TUSC3: variants seen among roughly 807,000 people sequenced by gnomAD.
The protein encoded by TUSC3 is dolichyl-diphosphooligosaccharide--protein glycosyltransferase subunit TUSC3.
Under a neutral mutation model 44.8 loss-of-function variants are expected in TUSC3, and 45 were observed. The ratio of observed to expected loss-of-function variants is 1.00; its 90% CI spans 0.79 to 1.29. The LOEUF (loss-of-function observed/expected upper bound fraction) is 1.29, where lower values mean the gene tolerates loss of function less well. Ranked by LOEUF, TUSC3 falls within the 50% of genes most tolerant of loss-of-function variation. The pLI, the probability that TUSC3 is intolerant of heterozygous loss-of-function variation, is 0.00. For synonymous variants in TUSC3, 212 were observed against 152.9 expected, an observed-to-expected ratio of 1.39 and a Z score of -2.85; for missense variants, 519 against 437.9, an observed-to-expected ratio of 1.19 and a Z score of -1.65.
chr8:15,475,522 G>C (rs1800562915), intron 1 of TUSC3, among the ~76,000 whole-genome samples: 1 of 152,226 alleles, frequency 6.6e-6, no homozygotes, highest in African/African-American at 2.4e-5. Context: ...AATTCCCCTA[G>C]ATAAACATTG....
At position 15,748,481 on chromosome 8, in the gene TUSC3, T is replaced by TAACA. The variant is rs1020141037; in HGVS notation, c.1028+17_1028+20dup. On this transcript the variant is annotated intron_variant, in intron 9 of 10. Transcript: ENST00000503731. ...ATCCTTATAGGTAATATCTTTATAC[T>TAACA]AACATGAATGTTTTTATTTTTAACT... 5.2e-6 allele frequency: 8 copies of TAACA among 1,544,794 alleles called. No individual in the cohort carries two copies. The highest frequency in any genetic ancestry group is 2.3e-5 in the East Asian group (1 of 44,442).
At chr8:15,814,356 C>T in the TUSC3 span, among the ~76,000 whole-genome samples, 1 of 152,096 alleles carries the variant, frequency 6.6e-6, no homozygotes, top group Non-Finnish European at 1.5e-5. Flanking sequence ...TACCTGACTT[C>T]TTGCAGGAAA....
chr8:15,602,324 A>T (rs568210167), intron 1 of TUSC3, among the ~76,000 whole-genome samples: 1 of 151,828 alleles, frequency 6.6e-6, no homozygotes, highest in Admixed American at 6.6e-5. Flanking sequence ...AGAATACATG[A>T]TTAAAGTTTG....
intron 1 of TUSC3, among the ~76,000 whole-genome samples, chr8:15,616,076 G>A (rs550513575): frequency 7.2e-5 from 11 of 152,242 alleles, no homozygotes; most frequent in Admixed American, 2.6e-4. Flanking sequence ...TCTAATGGTC[G>A]ATAACAGAGT....
At chr8:15,654,906 C>A (rs995176556) in intron 3 of TUSC3, among the ~76,000 whole-genome samples, 3 of 152,188 alleles carry the variant, frequency 2.0e-5, no homozygotes, top group African/African-American at 7.2e-5. Context: ...CTGAGTTCAT[C>A]TTCCATCTTT....
At chr8:15,787,850 G>A in the TUSC3 span, among the ~76,000 whole-genome samples, 1 of 152,140 alleles carries the variant, frequency 6.6e-6, no homozygotes, top group Non-Finnish European at 1.5e-5. Flanking sequence ...CATGTGCCAG[G>A]TTGAACTTTA....
chr8:15,429,779 T>C (rs1232889160), intron 1 of TUSC3, among the ~76,000 whole-genome samples: 1 of 151,446 alleles, frequency 6.6e-6, no homozygotes, highest in Admixed American at 6.6e-5. Context: ...ATAGATGCAA[T>C]AAAAAATGAC....
At chr8:15,757,880 C>A in intron 10 of TUSC3, 25 bp downstream of exon 10, 3 of 1,388,168 alleles carry the variant, frequency 2.2e-6, no homozygotes, top group South Asian at 1.2e-5. Flanking sequence ...CTTCTCTGAG[C>A]CTCAGTTTTC....
chr8:15,797,641 G>A, the TUSC3 span, among the ~76,000 whole-genome samples: 1 of 152,154 alleles, frequency 6.6e-6, no homozygotes, highest in East Asian at 1.9e-4. Context: ...TGCTCCTTGT[G>A]GCAAATGGCA....
At chr8:15,516,532 G>C (rs1327131564) in intron 2 of TUSC3, among the ~76,000 whole-genome samples, 1 of 152,074 alleles carries the variant, frequency 6.6e-6, no homozygotes, top group African/African-American at 2.4e-5. Flanking sequence ...CTTTACCATT[G>C]AGATTACTCT....
At chr8:15,428,371 G>C (rs540617452) in intron 1 of TUSC3, among the ~76,000 whole-genome samples, 7 of 151,850 alleles carry the variant, frequency 4.6e-5, no homozygotes, top group African/African-American at 1.4e-4. Context: ...GTCTATCATT[G>C]TTGGACATTT....
chr8:15,686,038 C>A (rs938529389), intron 6 of TUSC3, among the ~76,000 whole-genome samples: 1 of 151,818 alleles, frequency 6.6e-6, no homozygotes. Context: ...CAGTGTGATG[C>A]GGTGCTGCTT....
At chr8:15,483,359 A>G in intron 1 of TUSC3, 1 of 225,386 alleles carries the variant, frequency 4.4e-6, no homozygotes, top group Non-Finnish European at 9.0e-6. Flanking sequence ...TGTTTTTTTG[A>G]GACGGAGTTT....
intron 6 of TUSC3, among the ~76,000 whole-genome samples, chr8:15,728,956 T>C (rs985527418): frequency 1.3e-5 from 2 of 152,100 alleles, no homozygotes; most frequent in African/African-American, 4.8e-5. Flanking sequence ...TTCAGGTAGA[T>C]TAAGGCCAGG....
chr8:15,595,844 C>G (rs1240986776), intron 1 of TUSC3, among the ~76,000 whole-genome samples: 1 of 152,124 alleles, frequency 6.6e-6, no homozygotes, highest in Non-Finnish European at 1.5e-5. Flanking sequence ...TTTTGTCTTA[C>G]AAGTTGTACT....
chr8:15,642,241 C>G (rs1264726718), intron 2 of TUSC3, among the ~76,000 whole-genome samples: 1 of 152,082 alleles, frequency 6.6e-6, no homozygotes, highest in Non-Finnish European at 1.5e-5. Flanking sequence ...AATGCATATA[C>G]TCAGATAGTT....
chr8:15,813,150 A>C, the TUSC3 span, among the ~76,000 whole-genome samples: 1 of 152,082 alleles, frequency 6.6e-6, no homozygotes, highest in Non-Finnish European at 1.5e-5. Flanking sequence ...CCAGGACACA[A>C]TGCTTTTGTA....
intron 6 of TUSC3, among the ~76,000 whole-genome samples, chr8:15,689,823 TGTG>T (rs1808817452): frequency 5.6e-5 from 1 of 17,898 alleles, no homozygotes; most frequent in Non-Finnish European, 9.0e-5. Context: ...TAGTCCATGG[TGTG>T]TGTGTGTGTG....
intron 1 of TUSC3, among the ~76,000 whole-genome samples, chr8:15,605,204 G>C (rs1180709939): frequency 4.0e-5 from 6 of 151,806 alleles, no homozygotes; most frequent in African/African-American, 1.5e-4. Context: ...ATTAGTATAG[G>C]AACAGCAAAG....
Sources: gnomAD v4.1 joint callset for allele counts (sites outside exome capture counted in the v4.1 genomes callset) on GRCh38, gnomAD v4.1.1 for gene constraint, MANE v1.5 for transcripts, NCBI Gene and HGNC (gene_info 2026-07-23, HGNC 2026-07-21) for gene names.